TIGAR: variants seen among roughly 807,000 people sequenced by gnomAD.
The protein encoded by TIGAR is TP53 induced glycolysis regulatory phosphatase.
In TIGAR, 7 loss-of-function variants were observed where a neutral mutation model predicts 17.9. The observed-to-expected ratio is 0.39, with a 90% CI of 0.22 to 0.73. The LOEUF (loss-of-function observed/expected upper bound fraction) is 0.73, where lower values mean the gene tolerates loss of function less well. Among genes scored for constraint, TIGAR ranks in the 30% least tolerant of loss-of-function variants. The probability of loss-of-function intolerance (pLI) is 0.42; values close to 1 mark genes in which losing one functional copy is unlikely to be tolerated. For missense variants in TIGAR, 258 were observed against 327.4 expected (o/e 0.79, Z 1.64); for synonymous variants, 94 against 108.6 (o/e 0.87, Z 0.84).
intron 2 of TIGAR, among the ~76,000 whole-genome samples, chr12:4,334,718 G>C (rs891360483): frequency 2.6e-5 from 4 of 151,596 alleles, no homozygotes; most frequent in Non-Finnish European, 5.9e-5. Context: ...GTGTAGAGCA[G>C]CTGGTGGTAA....
At chr12:4,327,135 G>A (rs1399865856) in intron 1 of TIGAR, among the ~76,000 whole-genome samples, 3 of 152,136 alleles carry the variant, frequency 2.0e-5, no homozygotes, top group East Asian at 3.9e-4. Flanking sequence ...ATGGCCAGGC[G>A]CAGTAGCTCG....
Position 4,336,446 on chromosome 12 carries a change from GCACACACACACACACACA to G in TIGAR, c.71-561_71-544del, listed in dbSNP as rs10595001. ...TATGTTCTGTGGGCCCAGCAATGCAGCACACACACACACACACACACACACACACACACACACACACAC... is the reference window on the plus strand; with the variant it reads ...TATGTTCTGTGGGCCCAGCAATGCAGCACACACACACACACACACACACAC... On this transcript the variant is annotated intron_variant, in intron 2 of 5. Transcript: ENST00000179259. Among the ~76,000 whole-genome samples the G allele has an allele frequency of 3.1e-3, 432 of 138,564 alleles. 17 individuals carry two copies. In the East Asian group the frequency reaches 0.077, roughly 25 times the overall value. The allele number at this position is 138,564 out of a possible 152,430, so 90.9% of individuals were successfully genotyped here.
In TIGAR at chr12:4,352,366, A is replaced by C. The variant is rs756202215; in HGVS notation, c.488A>C (p.Glu163Ala). 6.2e-7 allele frequency: 1 copy of C among 1,614,196 alleles called. No homozygotes were observed. Among genetic ancestry groups the C allele is most frequent in the East Asian group, 2.2e-5 (1 of 44,882 alleles). ...FSQGSPSNCL[E>A]TSLAEIFPLG... ...CAAGGATCTCCAAGCAACTGTCTGG[A>C]AACTTCTTTGGCAGAGATATTTCCT... The change falls in exon 6 of 6, where the codon GAA becomes GCA. Residue 163 changes from glutamate to alanine, a missense_variant. Physicochemically the swap from Glu to Ala is moderately radical, Grantham distance 107. Coordinates refer to ENST00000179259, the MANE Select transcript of TIGAR (RefSeq NM_020375.3).
In TIGAR at chr12:4,321,815, G is replaced by A. The variant is rs1864481326; in HGVS notation, c.32+512G>A. 6.6e-6 allele frequency among the ~76,000 whole-genome samples: 1 copy of A among 152,026 alleles called. No homozygotes were observed. Among genetic ancestry groups the A allele is most frequent in the African/African-American group, 2.4e-5 (1 of 41,374 alleles). On this transcript the variant is annotated intron_variant, in intron 1 of 5. Coordinates refer to ENST00000179259, the MANE Select transcript of TIGAR (RefSeq NM_020375.3). This position sits in a 1 kb window ranked among gnomAD's most constrained non-coding sequence, Gnocchi z 5.2. Reference sequence around the variant, plus strand: ...TGAGACTTCTTTCTTTTCCCCAGAGGTTACAGTTCTGGGAGAGAAAAGAGG... The same window carrying A: ...TGAGACTTCTTTCTTTTCCCCAGAGATTACAGTTCTGGGAGAGAAAAGAGG...
intron 3 of TIGAR, among the ~76,000 whole-genome samples, chr12:4,346,902 T>C (rs1292773380): frequency 6.6e-6 from 1 of 152,042 alleles, no homozygotes; most frequent in Non-Finnish European, 1.5e-5. Flanking sequence ...CAATAACACA[T>C]GCAGGCAAGG....
chr12:4,337,452 G>A (rs774182947), intron 3 of TIGAR, among the ~76,000 whole-genome samples: 10 of 152,174 alleles, frequency 6.6e-5, no homozygotes, highest in African/African-American at 9.6e-5. Flanking sequence ...GAGCCACCAC[G>A]CCCAGCAACA....
chr12:4,348,196 A>G (rs1864801664), intron 3 of TIGAR, among the ~76,000 whole-genome samples: 1 of 152,200 alleles, frequency 6.6e-6, no homozygotes, highest in South Asian at 2.1e-4. Flanking sequence ...CATGAAGAGC[A>G]TGATGAGAAG....
chr12:4,328,559 G>A (rs181732525), intron 1 of TIGAR, among the ~76,000 whole-genome samples: 1 of 151,416 alleles, frequency 6.6e-6, no homozygotes, highest in East Asian at 2.0e-4. Context: ...TTTTTACCAA[G>A]GTATAAATAG....
Position 4,321,435 on chromosome 12 carries a change from GC to G in TIGAR, c.32+133del. The G allele has an allele frequency of 1.5e-6, 2 of 1,356,292 alleles. No individual in the cohort carries two copies. Among genetic ancestry groups the G allele is most frequent in the South Asian group, 2.6e-5 (2 of 78,036 alleles). The allele number at this position is 1,356,292 out of a possible 1,614,324, so 84.0% of individuals were successfully genotyped here. ...AGCCCGGGAGGGCTGGCTTGGAAGCGCTTTTTCCGGGGCGCTTGCCCTGGGG... is the reference window on the plus strand; with the variant it reads ...AGCCCGGGAGGGCTGGCTTGGAAGCGTTTTTCCGGGGCGCTTGCCCTGGGG... On this transcript the variant is annotated intron_variant, in intron 1 of 5. Transcript: ENST00000179259. This position sits in a 1 kb window ranked among gnomAD's most constrained non-coding sequence, Gnocchi z 5.2.
chr12:4,349,275 A>G (rs1864812473), intron 3 of TIGAR, among the ~76,000 whole-genome samples: 1 of 152,200 alleles, frequency 6.6e-6, no homozygotes, highest in African/African-American at 2.4e-5. Context: ...TTTATTTGCA[A>G]AAGCAGATGA....
At chr12:4,351,152 G>A in intron 4 of TIGAR, 115 bp from the exon 5 acceptor site, 1 of 860,958 alleles carries the variant, frequency 1.2e-6, no homozygotes, top group South Asian at 1.6e-5. Context: ...AATCAATTAA[G>A]TGGAGGAGAG....
chr12:4,335,688 G>C (rs1285490176), intron 2 of TIGAR: 1 of 152,382 alleles, frequency 6.6e-6, no homozygotes, highest in East Asian at 1.9e-4. Context: ...AAGTCACCCA[G>C]TCTGTAGTAC....
chr12:4,333,274 T>G (rs1186369776), intron 2 of TIGAR, among the ~76,000 whole-genome samples: 3 of 150,196 alleles, frequency 2.0e-5, no homozygotes, highest in East Asian at 1.9e-4. Flanking sequence ...TTGGCTCTTT[T>G]GAAAATATAT....
chr12:4,338,908 A>C (rs1864688255), intron 3 of TIGAR, among the ~76,000 whole-genome samples: 1 of 139,358 alleles, frequency 7.2e-6, no homozygotes, highest in African/African-American at 2.6e-5. Context: ...CCTGGGAGGC[A>C]GAGGTTGCAG....
chr12:4,331,464 A>G (rs1864602884), intron 2 of TIGAR, 147 bp downstream of exon 2: 1 of 759,626 alleles, frequency 1.3e-6, no homozygotes, highest in Non-Finnish European at 2.3e-6. Context: ...AACCACAGAA[A>G]TATGATCAGG....
chr12:4,344,373 T>G (rs1055853379), intron 3 of TIGAR, among the ~76,000 whole-genome samples: 5 of 152,130 alleles, frequency 3.3e-5, no homozygotes, highest in African/African-American at 1.2e-4. Context: ...CCTAACTCAT[T>G]TTATGAGGCC....
intron 4 of TIGAR, among the ~76,000 whole-genome samples, chr12:4,350,823 G>A (rs1038828445): frequency 2.0e-5 from 3 of 151,724 alleles, no homozygotes; most frequent in East Asian, 3.9e-4. Context: ...TCATGTTAGC[G>A]TCTCTGAAAC....
At chr12:4,326,459 GA>G (rs1386917942) in intron 1 of TIGAR, among the ~76,000 whole-genome samples, 1 of 152,064 alleles carries the variant, frequency 6.6e-6, no homozygotes, top group Non-Finnish European at 1.5e-5. Context: ...AAAGCTTTTG[GA>G]AAAAAATCTA....
chr12:4,353,933 C>T lies in TIGAR; in HGVS notation c.*1242C>T, dbSNP rs1440839614. On this transcript the variant is annotated 3_prime_UTR_variant, in exon 6 of 6. Coordinates refer to ENST00000179259, the MANE Select transcript of TIGAR (RefSeq NM_020375.3). ...TTGTGGCAGGTACAGGTGAGGTTGC[C>T]TCTTCTTTCCACCAGATGGCACTGG... The T allele has an allele frequency of 6.6e-6, 1 of 152,484 alleles. No homozygotes were observed. Among genetic ancestry groups the T allele is most frequent in the Non-Finnish European group, 1.5e-5 (1 of 67,996 alleles). The allele number at this position is 152,484 out of a possible 1,614,324, so 9.4% of individuals were successfully genotyped here.
Sources: gnomAD v4.1 joint callset for allele counts (sites outside exome capture counted in the v4.1 genomes callset) on GRCh38, gnomAD v4.1.1 for gene constraint, Gnocchi (gnomAD v3.1) non-coding constraint, MANE v1.5 for transcripts, NCBI Gene and HGNC (gene_info 2026-07-23, HGNC 2026-07-21) for gene names.